KHDRBS2: variants seen among roughly 807,000 people sequenced by gnomAD.
KHDRBS2 encodes KH RNA binding domain containing, signal transduction associated 2, also known as KH domain-containing, RNA-binding, signal transduction-associated protein 2.
In KHDRBS2, 26 loss-of-function variants were observed where a neutral mutation model predicts 44.3. That is an observed-to-expected ratio of 0.59 (90% CI 0.43 to 0.81). The LOEUF (loss-of-function observed/expected upper bound fraction) is 0.81. Among genes scored for constraint, KHDRBS2 ranks in the 40% least tolerant of loss-of-function variants. The pLI, the probability that KHDRBS2 is intolerant of heterozygous loss-of-function variation, is 0.00. For synonymous variants in KHDRBS2, 194 were observed against 151.1 expected, an observed-to-expected ratio of 1.28 and a Z score of -2.08; for missense variants, 476 against 433.1, an observed-to-expected ratio of 1.10 and a Z score of -0.88.
At chr6:61,837,299 T>C (rs1341718752) in intron 6 of KHDRBS2, among the ~76,000 whole-genome samples, 2 of 152,044 alleles carry the variant, frequency 1.3e-5, no homozygotes, top group Admixed American at 6.6e-5. Context: ...GAAATAATCC[T>C]GAATATGAAT....
At chr6:62,221,882 C>A (rs1473899677) in intron 1 of KHDRBS2, among the ~76,000 whole-genome samples, 1 of 152,026 alleles carries the variant, frequency 6.6e-6, no homozygotes, top group East Asian at 1.9e-4. Context: ...AAAAAACTGA[C>A]CCTAAACTAA....
chr6:61,720,991 A>C lies in KHDRBS2; in HGVS notation c.893+11691T>G, dbSNP rs534796887. 8.6e-5 allele frequency among the ~76,000 whole-genome samples: 13 copies of C among 151,160 alleles called. No homozygotes were observed. In the East Asian group the frequency reaches 2.5e-3, roughly 29 times the overall value. On this transcript the variant is annotated intron_variant, in intron 7 of 8. Transcript: ENST00000281156. The stretch of plus-strand genomic sequence containing the variant: ...GGAAGGGATCCAGTTTCAGCTTTCT[A>C]CATATGGCTAGCCAGTTTTCCCAGC...
chr6:61,709,763 A>G (rs1388658669), intron 7 of KHDRBS2, among the ~76,000 whole-genome samples: 2 of 151,690 alleles, frequency 1.3e-5, no homozygotes, highest in African/African-American at 2.4e-5. Context: ...TATTAAATGA[A>G]CTGTTACATG....
the KHDRBS2 span, among the ~76,000 whole-genome samples, chr6:61,571,347 G>A: frequency 1.3e-5 from 2 of 151,988 alleles, no homozygotes; most frequent in African/African-American, 4.8e-5. Flanking sequence ...AATGATAAAA[G>A]GTTTAGTTCA....
intron 6 of KHDRBS2, among the ~76,000 whole-genome samples, chr6:61,819,362 A>T (rs902105779): frequency 6.6e-6 from 1 of 152,056 alleles, no homozygotes; most frequent in African/African-American, 2.4e-5. Context: ...AATGTAACTT[A>T]AGGAAATAAA....
At chr6:61,849,213 T>C (rs1015834992) in intron 6 of KHDRBS2, among the ~76,000 whole-genome samples, 10 of 152,106 alleles carry the variant, frequency 6.6e-5, no homozygotes, top group African/African-American at 2.2e-4. Context: ...CGACTATAAA[T>C]AGCCTAGCTT....
At chr6:61,932,949 T>C (rs1810357780) in intron 4 of KHDRBS2, among the ~76,000 whole-genome samples, 2 of 152,194 alleles carry the variant, frequency 1.3e-5, no homozygotes, top group South Asian at 4.1e-4. Flanking sequence ...ATTGTGTATA[T>C]AGATCACATT....
At chr6:62,093,296 A>G (rs1374114725) in intron 2 of KHDRBS2, among the ~76,000 whole-genome samples, 3 of 151,918 alleles carry the variant, frequency 2.0e-5, no homozygotes, top group African/African-American at 7.2e-5. Flanking sequence ...ATCCAAGAAT[A>G]AAATTTATAG....
chr6:61,966,802 T>G (rs1770044389), intron 4 of KHDRBS2, among the ~76,000 whole-genome samples: 1 of 151,968 alleles, frequency 6.6e-6, no homozygotes, highest in Non-Finnish European at 1.5e-5. Flanking sequence ...GCTCAGACAT[T>G]TCTTTTTATT....
chr6:61,917,378 T>A (rs541051643), intron 4 of KHDRBS2, among the ~76,000 whole-genome samples: 1 of 152,046 alleles, frequency 6.6e-6, no homozygotes, highest in East Asian at 1.9e-4. Context: ...ATATATCAAG[T>A]GAAAGAATTC....
At chr6:61,766,142 C>A (rs994953513) in intron 6 of KHDRBS2, among the ~76,000 whole-genome samples, 1 of 151,614 alleles carries the variant, frequency 6.6e-6, no homozygotes, top group Non-Finnish European at 1.5e-5. Context: ...TTCATTATAG[C>A]TTCAATCTCA....
chr6:62,040,744 C>T (rs898708851), intron 3 of KHDRBS2, among the ~76,000 whole-genome samples: 7 of 152,060 alleles, frequency 4.6e-5, no homozygotes, highest in Non-Finnish European at 7.4e-5. Flanking sequence ...CACCTTTAAA[C>T]TCTAAGACAT....
chr6:61,758,280 T>C (rs971566663), intron 6 of KHDRBS2, among the ~76,000 whole-genome samples: 5 of 152,110 alleles, frequency 3.3e-5, no homozygotes, highest in African/African-American at 1.2e-4. Context: ...TTCATATATT[T>C]TGTATGTTTT....
chr6:62,223,819 A>G (rs1831303622), intron 1 of KHDRBS2, among the ~76,000 whole-genome samples: 1 of 152,114 alleles, frequency 6.6e-6, no homozygotes. Context: ...CAAATTCCTC[A>G]TCTCCATCTG....
At chr6:61,659,065 T>C in the KHDRBS2 span, 3 of 152,014 alleles carry the variant, frequency 2.0e-5, no homozygotes, top group African/African-American at 7.2e-5. Context: ...TGGTAATTTA[T>C]AGAGAGTTTC....
At chr6:61,810,113 C>T (rs1167604974) in intron 6 of KHDRBS2, among the ~76,000 whole-genome samples, 1 of 152,074 alleles carries the variant, frequency 6.6e-6, no homozygotes, top group East Asian at 1.9e-4. Flanking sequence ...CATTCTCCAT[C>T]CGTACCTTGG....
chr6:62,264,721 CT>C (rs1357116972), intron 1 of KHDRBS2, among the ~76,000 whole-genome samples: 11 of 151,664 alleles, frequency 7.3e-5, no homozygotes, highest in African/African-American at 2.4e-4. Flanking sequence ...GACTGCCTTT[CT>C]TTTTTTCTGA....
chr6:61,572,184 C>A, the KHDRBS2 span, among the ~76,000 whole-genome samples: 1,368 of 152,038 alleles, frequency 9.0e-3, 8 homozygotes, highest in Non-Finnish European at 0.015. Context: ...AAGGCTACTA[C>A]AAACACCTTT....
At chr6:62,183,725 A>G (rs1375623878) in intron 1 of KHDRBS2, among the ~76,000 whole-genome samples, 1 of 151,608 alleles carries the variant, frequency 6.6e-6, no homozygotes, top group African/African-American at 2.4e-5. Context: ...TGTGAAGAAA[A>G]TATTTTTTGT....
Sources: allele counts gnomAD v4.1 joint callset (sites outside exome capture counted in the v4.1 genomes callset), GRCh38; gene constraint gnomAD v4.1.1; transcripts MANE v1.5; gene names NCBI Gene and HGNC (gene_info 2026-07-23, HGNC 2026-07-21).